Variants in DYNC1I1 observed in about 807,000 individuals in gnomAD.
DYNC1I1 encodes cytoplasmic dynein 1 intermediate chain 1.
In DYNC1I1, 43 loss-of-function variants were observed where a neutral mutation model predicts 86.6. The ratio of observed to expected loss-of-function variants is 0.50; its 90% CI spans 0.39 to 0.64. The LOEUF is 0.64. DYNC1I1 is among the 30% of genes least tolerant of loss of function. The pLI, the probability that DYNC1I1 is intolerant of heterozygous loss-of-function variation, is 0.00. For missense variants in DYNC1I1, 604 were observed against 788.8 expected, an observed-to-expected ratio of 0.77 and a Z score of 2.81; for synonymous variants, 262 against 283.7, an observed-to-expected ratio of 0.92 and a Z score of 0.77.
chr7:96,033,243 T>A (rs922554510), intron 12 of DYNC1I1, among the ~76,000 whole-genome samples: 1 of 152,244 alleles, frequency 6.6e-6, no homozygotes, highest in African/African-American at 2.4e-5. Context: ...AGAAACCATC[T>A]GTTTTCCCCT....
chr7:95,960,742 C>T (rs752768296), intron 6 of DYNC1I1, among the ~76,000 whole-genome samples: 17 of 152,288 alleles, frequency 1.1e-4, no homozygotes, highest in African/African-American at 3.4e-4. Flanking sequence ...TAGTTGATAC[C>T]GTGCAGAGCA....
chr7:95,978,179 C>T (rs1301608740), intron 7 of DYNC1I1, among the ~76,000 whole-genome samples: 1 of 152,176 alleles, frequency 6.6e-6, no homozygotes, highest in African/African-American at 2.4e-5. Context: ...CTTACAACAT[C>T]ATTTTGAAGC....
chr7:96,006,960 G>T lies in DYNC1I1; in HGVS notation c.969+10887G>T, dbSNP rs575332312. ...CTGTGATTCAATCATTACACATTGT[G>T]TACATGTATCAAAATATCACATGTA... On this transcript the variant is annotated intron_variant, in intron 10 of 16. Coordinates refer to ENST00000447467, the MANE Select transcript of DYNC1I1 (RefSeq NM_001135556.2). Among the ~76,000 whole-genome samples the T allele has an allele frequency of 2.0e-5, 3 of 152,180 alleles. No individual in the cohort carries two copies. The East Asian group carries it at 5.8e-4, about 29-fold the overall frequency.
intron 5 of DYNC1I1, among the ~76,000 whole-genome samples, chr7:95,839,220 G>GCAGTTTCACCATGTTGGC (rs927812472): frequency 6.6e-6 from 1 of 152,030 alleles, no homozygotes; most frequent in Non-Finnish European, 1.5e-5. Flanking sequence ...TAGTAGAGAT[G>GCAGTTTCACCATGTTGGC]CAGTTTCACC....
chr7:95,973,371 T>G (rs1384001945), intron 6 of DYNC1I1, among the ~76,000 whole-genome samples: 1 of 152,220 alleles, frequency 6.6e-6, no homozygotes, highest in Non-Finnish European at 1.5e-5. Flanking sequence ...TTTAAAAGGC[T>G]GATAGACAAA....
chr7:95,941,308 G>A (rs983885458), intron 6 of DYNC1I1, among the ~76,000 whole-genome samples: 24 of 151,928 alleles, frequency 1.6e-4, no homozygotes, highest in African/African-American at 5.6e-4. Context: ...TGCGTGCTGG[G>A]AGAACCACTG....
intron 3 of DYNC1I1, among the ~76,000 whole-genome samples, chr7:95,811,549 T>C (rs1388407153): frequency 6.6e-6 from 1 of 152,118 alleles, no homozygotes; most frequent in African/African-American, 2.4e-5. Context: ...AGCTTAAAAA[T>C]TATTAAGTAT....
intron 16 of DYNC1I1, among the ~76,000 whole-genome samples, chr7:96,105,577 C>T (rs1791203226): frequency 1.3e-5 from 2 of 152,086 alleles, no homozygotes; most frequent in South Asian, 4.1e-4. Flanking sequence ...TAAGGGTTTT[C>T]CCATAATCGT....
At chr7:95,905,193 C>A (rs1241782624) in intron 6 of DYNC1I1, among the ~76,000 whole-genome samples, 1 of 151,690 alleles carries the variant, frequency 6.6e-6, no homozygotes, top group Non-Finnish European at 1.5e-5. Flanking sequence ...GAATTATAAA[C>A]CATGACAGGC....
chr7:96,006,759 A>G (rs927319248), intron 10 of DYNC1I1, among the ~76,000 whole-genome samples: 2 of 152,366 alleles, frequency 1.3e-5, no homozygotes, highest in Non-Finnish European at 2.9e-5. Flanking sequence ...AATTTTCACT[A>G]TATCAGGTCC....
intron 1 of DYNC1I1, among the ~76,000 whole-genome samples, chr7:95,798,809 G>T (rs929001575): frequency 6.6e-6 from 1 of 152,130 alleles, no homozygotes; most frequent in African/African-American, 2.4e-5. Flanking sequence ...CATCTCCTCT[G>T]CTAGACACTT....
At position 95,836,040 on chromosome 7, in the gene DYNC1I1, G is replaced by A. The variant is rs376631772; in HGVS notation, c.374+7924G>A. On this transcript the variant is annotated intron_variant, in intron 5 of 16. Transcript: ENST00000447467. ...ATGATGTTAGCTGGTTGTTTTGCTC[G>A]TTAGTTGATGCAGTTTCTTCCTAGT... is the stretch of plus-strand genomic sequence containing the variant. Among the ~76,000 whole-genome samples the A allele has an allele frequency of 3.8e-4, 58 of 152,216 alleles. No individual in the cohort carries two copies. The East Asian group carries it at 8.3e-3, about 22-fold the overall frequency.
intron 14 of DYNC1I1, among the ~76,000 whole-genome samples, chr7:96,071,811 A>G (rs1045620955): frequency 8.5e-5 from 13 of 152,214 alleles, no homozygotes; most frequent in African/African-American, 3.1e-4. Context: ...TACAAGTTAC[A>G]TAGTATGTGC....
intron 4 of DYNC1I1, among the ~76,000 whole-genome samples, chr7:95,825,114 T>C (rs1795176121): frequency 6.6e-6 from 1 of 152,246 alleles, no homozygotes; most frequent in Admixed American, 6.5e-5. Context: ...AACATAGGTG[T>C]GCCAGGAGGC....
chr7:95,979,086 G>A lies in DYNC1I1; in HGVS notation c.580+1485G>A, dbSNP rs139953041. Among the ~76,000 whole-genome samples the A allele has an allele frequency of 1.6e-3, 236 of 152,246 alleles. 1 individual carries two copies. In the Middle Eastern group the frequency reaches 0.017, roughly 11 times the overall value. On this transcript the variant is annotated intron_variant, in intron 7 of 16. Coordinates refer to ENST00000447467, the MANE Select transcript of DYNC1I1 (RefSeq NM_001135556.2). The stretch of plus-strand genomic sequence containing the variant: ...TGGGATTATAGGCGTGAACCACCAC[G>A]CCCAGCCACAATTTTAGAAAATTAT...
chr7:96,070,738 C>A (rs1006539957), intron 14 of DYNC1I1, among the ~76,000 whole-genome samples: 57 of 152,182 alleles, frequency 3.7e-4, no homozygotes, highest in Non-Finnish European at 1.5e-5. Context: ...CATTTTAATA[C>A]AAATCTTCCT....
intron 10 of DYNC1I1, among the ~76,000 whole-genome samples, chr7:96,024,263 T>C (rs1794622543): frequency 1.3e-5 from 2 of 152,162 alleles, no homozygotes; most frequent in Admixed American, 1.3e-4. Flanking sequence ...TTGGTTTTTC[T>C]TTTTTAAATA....
At chr7:96,060,691 G>A (rs191506935) in intron 14 of DYNC1I1, among the ~76,000 whole-genome samples, 1 of 152,256 alleles carries the variant, frequency 6.6e-6, no homozygotes, top group Non-Finnish European at 1.5e-5. Context: ...CACTCTGGTA[G>A]GGGATATTTA....
intron 6 of DYNC1I1, among the ~76,000 whole-genome samples, chr7:95,970,821 G>A (rs535863777): frequency 2.6e-5 from 4 of 152,306 alleles, no homozygotes; most frequent in Admixed American, 6.5e-5. Flanking sequence ...GGTATGAGAT[G>A]TGTTATTGTA....
Sources: gnomAD v4.1 joint callset for allele counts (sites outside exome capture counted in the v4.1 genomes callset) on GRCh38, gnomAD v4.1.1 for gene constraint, MANE v1.5 for transcripts, NCBI Gene and HGNC (gene_info 2026-07-23, HGNC 2026-07-21) for gene names.